Variants in DPYSL4 observed in about 807,000 individuals in gnomAD.
DPYSL4 encodes dihydropyrimidinase like 4.
In DPYSL4, 43 loss-of-function variants were observed where a neutral mutation model predicts 63.4. The ratio of observed to expected loss-of-function variants is 0.68; its 90% CI spans 0.53 to 0.88. The LOEUF (loss-of-function observed/expected upper bound fraction) is 0.88, where lower values mean the gene tolerates loss of function less well. Ranked by LOEUF, DPYSL4 falls within the 40% of genes least tolerant of loss-of-function variation. The pLI, the probability that DPYSL4 is intolerant of heterozygous loss-of-function variation, is 0.00. For synonymous variants in DPYSL4, 353 were observed against 331.7 expected (o/e 1.06, Z -0.70); for missense variants, 733 against 819.5 (o/e 0.89, Z 1.29).
chr10:132,204,686 C>T (rs1168024162), intron 13 of DPYSL4, among the ~76,000 whole-genome samples, 153 bp from the exon 14 acceptor site: 2 of 152,198 alleles, frequency 1.3e-5, no homozygotes, highest in Non-Finnish European at 2.9e-5. Context: ...CTGCCGGGCA[C>T]CTGGTCTGCT....
rs371429633 is a variant in DPYSL4, at chr10:132,187,059, G to A, written c.-5G>A. The A allele has an allele frequency of 2.9e-4, 362 of 1,262,500 alleles. No individual in the cohort carries two copies. Among genetic ancestry groups the A allele is most frequent in the Non-Finnish European group, 3.6e-4 (352 of 966,632 alleles). The allele number at this position is 1,262,500 out of a possible 1,614,324, so 78.2% of individuals were successfully genotyped here. ...CCGCCCCTACCAGAGACCCCCAGGAGCAGGATGTCCTTCCAGGGCAAGAAA... is the reference window on the plus strand; with the variant it reads ...CCGCCCCTACCAGAGACCCCCAGGAACAGGATGTCCTTCCAGGGCAAGAAA... On this transcript the variant is annotated 5_prime_UTR_variant, in exon 1 of 14. Coordinates refer to ENST00000338492, the MANE Select transcript of DPYSL4 (RefSeq NM_006426.3).
intron 6 of DPYSL4, 102 bp from the exon 7 acceptor site, chr10:132,198,313 C>T: frequency 1.7e-6 from 2 of 1,177,358 alleles, no homozygotes; most frequent in South Asian, 1.4e-5. Flanking sequence ...GCCTGGGGGT[C>T]CAGGACCACT....
At chr10:132,199,073 G>A (rs1226570874) in intron 8 of DPYSL4, 102 bp downstream of exon 8, 24 of 1,456,212 alleles carry the variant, frequency 1.6e-5, no homozygotes, top group South Asian at 1.6e-4. Flanking sequence ...GCATCGGGGC[G>A]GGGCACTGGA....
rs1053211880 is a variant in DPYSL4, at chr10:132,202,750, C to G, written c.1386C>G (p.Thr462=). ...VALEDGKMFV[T]PGAGRFVPRK... ...TGGAGGACGGGAAGATGTTTGTCAC[C>G]CCGGGGGCGGGCCGCTTCGTCCCTC... The change falls in exon 12 of 14, where the codon ACC becomes ACG. Residue 462 remains threonine, a synonymous_variant. Transcript: ENST00000338492. The G allele has an allele frequency of 1.2e-6, 2 of 1,612,972 alleles. No individual in the cohort carries two copies. The highest frequency in any genetic ancestry group is 1.3e-5 in the African/African-American group (1 of 74,930).
intron 13 of DPYSL4, 122 bp downstream of exon 13, chr10:132,204,049 T>C: frequency 7.7e-7 from 1 of 1,301,914 alleles, no homozygotes; most frequent in South Asian, 1.4e-5. Flanking sequence ...AGCTGGGGAC[T>C]GGGGCAGGAG....
chr10:132,197,057 G>T lies in DPYSL4; in HGVS notation c.577G>T (p.Ala193Ser), dbSNP rs1392022638. 2 of 1,579,076 alleles carry T rather than the reference G, an allele frequency of 1.3e-6. No individual in the cohort carries two copies. The highest frequency in any genetic ancestry group is 1.9e-4 in the Middle Eastern group (1 of 5,180). The part of the protein sequence containing the change: ...EIFSIIRDLG[A>S]LAQVHAENGD... ...CTTCAGCATCATCCGGGACCTGGGG[G>T]CCTTGGCCCAGGTGCACGCTGAGAA... The change falls in exon 6 of 14, where the codon GCC becomes TCC. Residue 193 changes from alanine (A) to serine (S), a missense_variant. Physicochemically the swap from Ala to Ser is moderately conservative, Grantham distance 99. Coordinates refer to ENST00000338492, the MANE Select transcript of DPYSL4 (RefSeq NM_006426.3).
intron 3 of DPYSL4, among the ~76,000 whole-genome samples, chr10:132,193,887 T>A (rs1565039897): frequency 1.3e-5 from 2 of 152,240 alleles, no homozygotes; most frequent in Non-Finnish European, 2.9e-5. Context: ...TTTGGTTTAC[T>A]CAGCCACAAA....
At chr10:132,196,761 G>T in intron 4 of DPYSL4, 100 bp from the exon 5 acceptor site, 1 of 1,380,754 alleles carries the variant, frequency 7.2e-7, no homozygotes, top group Non-Finnish European at 1.0e-6. Context: ...GCGGGGGAGG[G>T]GCCCAAGACC....
In DPYSL4 at chr10:132,193,718, G is replaced by T. The variant is rs184389517; in HGVS notation, c.313+876G>T. On this transcript the variant is annotated intron_variant, in intron 3 of 13. Transcript: ENST00000338492. ...AGCTGGCTTTTATAAGTCACACTTT[G>T]TTGATCTGTAAAACAGAACACTGGC... 2.0e-5 allele frequency among the ~76,000 whole-genome samples: 3 copies of T among 152,374 alleles called. No homozygotes were observed. In the East Asian group the frequency reaches 5.8e-4, roughly 29 times the overall value.
At chr10:132,202,305 G>A (rs1448033900) in intron 11 of DPYSL4, among the ~76,000 whole-genome samples, 189 bp downstream of exon 11, 6 of 152,256 alleles carry the variant, frequency 3.9e-5, no homozygotes, top group African/African-American at 7.2e-5. Context: ...ACCTCGCTGC[G>A]TGGCCGCTGC....
At chr10:132,189,656 C>T (rs967416080) in intron 1 of DPYSL4, among the ~76,000 whole-genome samples, 13 of 152,258 alleles carry the variant, frequency 8.5e-5, no homozygotes, top group African/African-American at 3.1e-4. Flanking sequence ...GCCCTCCTGA[C>T]TCCCAGCCTC....
chr10:132,190,769 G>A lies in DPYSL4; in HGVS notation c.62G>A (p.Gly21Asp). The A allele has an allele frequency of 1.2e-6, 2 of 1,613,770 alleles. No homozygotes were observed. The highest frequency in any genetic ancestry group is 1.7e-6 in the Non-Finnish European group (2 of 1,179,748). The stretch of plus-strand genomic sequence containing the variant: ...TAGAGTGACCGCCTTCTGATCAGAG[G>A]TGGGAGGATCGTGAATGACGACCAG... ...RITSDRLLIR[G>D]GRIVNDDQSF... Residue 21 changes from glycine (G) to aspartate (D), a missense_variant, in exon 2 of 14, where the codon GGT (glycine) becomes GAT (aspartate). Gly to Asp is a moderately conservative substitution (Grantham distance 94, BLOSUM62 -1). Transcript: ENST00000338492.
intron 4 of DPYSL4, among the ~76,000 whole-genome samples, chr10:132,195,552 T>G (rs116084727): frequency 0.025 from 3,741 of 152,154 alleles, 153 homozygotes; most frequent in African/African-American, 0.084. Context: ...GGGGGCGGGA[T>G]GGGGTCCAAG....
chr10:132,190,730 T>G lies in DPYSL4; in HGVS notation c.40-17T>G. 6.2e-7 allele frequency: 1 copy of G among 1,607,704 alleles called. No individual in the cohort carries two copies. Among genetic ancestry groups the G allele is most frequent in the Non-Finnish European group, 8.5e-7 (1 of 1,174,890 alleles). ...AACTCAGTTTGGAGAAAAATTACCCTTTGTTGTTCCCGATAGAGTGACCGC... is the reference window on the plus strand; with the variant it reads ...AACTCAGTTTGGAGAAAAATTACCCGTTGTTGTTCCCGATAGAGTGACCGC... On this transcript the variant is annotated splice_polypyrimidine_tract_variant and intron_variant, in intron 1 of 13. Coordinates refer to ENST00000338492, the MANE Select transcript of DPYSL4 (RefSeq NM_006426.3).
At chr10:132,193,481 A>T (rs1302648049) in intron 3 of DPYSL4, among the ~76,000 whole-genome samples, 1 of 152,208 alleles carries the variant, frequency 6.6e-6, no homozygotes, top group Non-Finnish European at 1.5e-5. Context: ...GGGTGAGTGG[A>T]GTCCGCCTGC....
At chr10:132,202,921 C>A in intron 12 of DPYSL4, 96 bp downstream of exon 12, 1 of 1,439,998 alleles carries the variant, frequency 6.9e-7, no homozygotes, top group South Asian at 1.4e-5. Context: ...CCCGGCCTCC[C>A]GAGGGGTCAG....
chr10:132,189,860 G>A (rs2061851176), intron 1 of DPYSL4, among the ~76,000 whole-genome samples: 1 of 152,194 alleles, frequency 6.6e-6, no homozygotes, highest in Non-Finnish European at 1.5e-5. Context: ...CCCAGTCAGG[G>A]GGCAGCCATG....
chr10:132,192,455 G>A, intron 2 of DPYSL4: 1 of 1,284,980 alleles, frequency 7.8e-7, no homozygotes, highest in Non-Finnish European at 9.8e-7. Context: ...GCTGGACCCT[G>A]CAGTGACCGT....
chr10:132,186,995 C>CCGGGGGGGGGGGGGGGG lies in DPYSL4; in HGVS notation c.-68_-67insGGGGGGGGGGGGGGGGC. The CCGGGGGGGGGGGGGGGG allele has an allele frequency of 2.8e-5, 1 of 36,146 alleles. No individual in the cohort carries two copies. Among genetic ancestry groups the CCGGGGGGGGGGGGGGGG allele is most frequent in the Non-Finnish European group, 5.3e-5 (1 of 18,952 alleles). The allele number at this position is 36,146 out of a possible 1,614,324, so 2.2% of individuals were successfully genotyped here. A position where few individuals can be genotyped will look rare whatever the true frequency, so the allele number is the denominator to read the frequency against. On this transcript the variant is annotated 5_prime_UTR_variant, in exon 1 of 14. Transcript: ENST00000338492. ...CACGCACGCGTCCCGGCTCACGCGTCCCCCCGCCCGCCCGCCCGCCCGCCC... is the reference window on the plus strand; with the variant it reads ...CACGCACGCGTCCCGGCTCACGCGTCCGGGGGGGGGGGGGGGGCCCCCGCCCGCCCGCCCGCCCGCCC...
Sources: gnomAD v4.1 joint callset for allele counts (sites outside exome capture counted in the v4.1 genomes callset) on GRCh38, gnomAD v4.1.1 for gene constraint, MANE v1.5 for transcripts, NCBI Gene and HGNC (gene_info 2026-07-23, HGNC 2026-07-21) for gene names.